The following CCDC149 variants were observed in gnomAD, a reference collection of about 807,000 sequenced individuals.
CCDC149 encodes the protein coiled-coil domain containing 149.
In CCDC149, 45 loss-of-function variants were observed where a neutral mutation model predicts 59.9. That is an observed-to-expected ratio of 0.75 (90% confidence interval 0.59 to 0.96). CCDC149 has a LOEUF of 0.96. Ranked by LOEUF, CCDC149 falls within the 40% of genes least tolerant of loss-of-function variation. The probability of loss-of-function intolerance (pLI) is 0.00; values close to 1 mark genes in which losing one functional copy is unlikely to be tolerated. For missense variants in CCDC149, 584 were observed against 664.7 expected (o/e 0.88, Z 1.33); for synonymous variants, 245 against 260.6 (o/e 0.94, Z 0.58).
At chr4:24,826,229 G>A (rs1251399112) in intron 9 of CCDC149, among the ~76,000 whole-genome samples, 1 of 152,126 alleles carries the variant, frequency 6.6e-6, no homozygotes, top group Non-Finnish European at 1.5e-5. Context: ...CAAAGTGCTA[G>A]GATTACAGGT....
chr4:24,908,712 G>T (rs879290853), intron 1 of CCDC149, among the ~76,000 whole-genome samples: 1 of 152,036 alleles, frequency 6.6e-6, no homozygotes, highest in East Asian at 1.9e-4. Flanking sequence ...AAACAACAAC[G>T]ACAAAAACCA....
intron 1 of CCDC149, among the ~76,000 whole-genome samples, chr4:24,881,330 G>A (rs1011592544): frequency 2.0e-5 from 3 of 152,132 alleles, no homozygotes; most frequent in Admixed American, 1.3e-4. Context: ...TGCTTTGCCC[G>A]ATAAAATGGG....
intron 9 of CCDC149, among the ~76,000 whole-genome samples, chr4:24,823,217 T>G (rs1414597375): frequency 6.6e-6 from 1 of 151,748 alleles, no homozygotes; most frequent in Non-Finnish European, 1.5e-5. Flanking sequence ...TTCAAAAGAG[T>G]TTTCAGTAAT....
In CCDC149 at chr4:24,808,524, C is replaced by T. The variant is rs1714365689; in HGVS notation, c.1488G>A (p.Leu496=). Reference sequence around the variant, plus strand: ...ATTTAGGGAGCTCCCCCTGGATGGCCAGGCCTGGCGGGGCTGGCCCCGTCT... The same window carrying T: ...ATTTAGGGAGCTCCCCCTGGATGGCTAGGCCTGGCGGGGCTGGCCCCGTCT... Residue 496 remains leucine, a synonymous_variant, in exon 13 of 13, where the codon CTG becomes CTA. Coordinates refer to ENST00000635206, the MANE Select transcript of CCDC149 (RefSeq NM_001330643.2). The T allele has an allele frequency of 6.5e-7, 1 of 1,538,626 alleles. No homozygotes were observed. Among genetic ancestry groups the T allele is most frequent in the Admixed American group, 2.0e-5 (1 of 49,016 alleles).
intron 1 of CCDC149, among the ~76,000 whole-genome samples, chr4:24,898,122 T>C (rs934631690): frequency 6.6e-6 from 1 of 152,176 alleles, no homozygotes; most frequent in South Asian, 2.1e-4. Context: ...AGTCAGCAGC[T>C]GACACATCAC....
At chr4:24,956,894 GA>G (rs1478202453) in intron 1 of CCDC149, among the ~76,000 whole-genome samples, 1 of 152,238 alleles carries the variant, frequency 6.6e-6, no homozygotes, top group African/African-American at 2.4e-5. Context: ...CTTTTAGCTT[GA>G]ATGGGGCCCA....
chr4:24,851,419 C>A lies in CCDC149; in HGVS notation c.372+1653G>T, dbSNP rs188698092. Reference sequence around the variant, plus strand: ...CTGGGACTACAAGCGCGTGCCACCACGCCTGGCTGCTCTCTCTTTGTTTCC... The same window carrying A: ...CTGGGACTACAAGCGCGTGCCACCAAGCCTGGCTGCTCTCTCTTTGTTTCC... On this transcript the variant is annotated intron_variant, in intron 4 of 12. Transcript: ENST00000635206. Among the ~76,000 whole-genome samples, 6 of 152,326 alleles carry A rather than the reference C, an allele frequency of 3.9e-5. No individual in the cohort carries two copies. The East Asian group carries it at 1.2e-3, about 29-fold the overall frequency.
intron 3 of CCDC149, among the ~76,000 whole-genome samples, chr4:24,869,987 AC>A (rs976470194): frequency 1.2e-4 from 18 of 152,290 alleles, no homozygotes; most frequent in African/African-American, 4.1e-4. Context: ...GGAAAGGAGG[AC>A]TTATTTTCCA....
chr4:24,905,412 TGC>T (rs56061899), intron 1 of CCDC149, among the ~76,000 whole-genome samples: 40,258 of 95,200 alleles, frequency 0.42, 6,197 homozygotes, highest in Middle Eastern at 0.54. Flanking sequence ...TTTGCGTGCG[TGC>T]GTGTGTGTGT....
At chr4:24,918,314 G>T (rs1416254329) in intron 1 of CCDC149, among the ~76,000 whole-genome samples, 1 of 152,158 alleles carries the variant, frequency 6.6e-6, no homozygotes, top group Admixed American at 6.5e-5. Context: ...GATCGAGAAG[G>T]TGAAAAGGTG....
intron 1 of CCDC149, among the ~76,000 whole-genome samples, chr4:24,961,759 G>A (rs1018499052): frequency 1.3e-5 from 2 of 152,186 alleles, no homozygotes; most frequent in Non-Finnish European, 2.9e-5. Context: ...CTAGCCATAT[G>A]TAGAAAGCTG....
At chr4:24,918,122 G>T (rs1455222176) in intron 1 of CCDC149, among the ~76,000 whole-genome samples, 1 of 152,114 alleles carries the variant, frequency 6.6e-6, no homozygotes, top group Non-Finnish European at 1.5e-5. Context: ...GTCTTAGGGT[G>T]GGGGACAATC....
intron 1 of CCDC149, among the ~76,000 whole-genome samples, chr4:24,958,659 C>T (rs1723542953): frequency 6.6e-6 from 1 of 152,034 alleles, no homozygotes; most frequent in African/African-American, 2.4e-5. Flanking sequence ...GCACTATATG[C>T]AATTCATGGA....
Position 24,961,894 on chromosome 4 carries a change from G to T in CCDC149, c.-65+18175C>A, listed in dbSNP as rs1397054371. Among the ~76,000 whole-genome samples, 5 of 151,952 alleles carry T rather than the reference G, an allele frequency of 3.3e-5. No homozygotes were observed. In the South Asian group the frequency reaches 6.3e-4, roughly 19 times the overall value. ...CTAGGCAATACCATTCAGGACATAG[G>T]CATGGGCAGGGACTTCATGTCTAAA... On this transcript the variant is annotated intron_variant, in intron 1 of 12. Coordinates refer to the CCDC149 transcript ENST00000389609.
intron 3 of CCDC149, among the ~76,000 whole-genome samples, chr4:24,863,944 C>A (rs1718530115): frequency 1.3e-5 from 2 of 152,184 alleles, no homozygotes; most frequent in African/African-American, 2.4e-5. Context: ...ACAAATATAT[C>A]TGCTTTTCAT....
intron 10 of CCDC149, 43 bp from the exon 11 acceptor site, chr4:24,821,130 A>C (rs1054030860): frequency 8.5e-7 from 1 of 1,171,508 alleles, no homozygotes; most frequent in Non-Finnish European, 1.1e-6. Flanking sequence ...TTGTTATTGC[A>C]TAATAGCCAT....
At position 24,837,257 on chromosome 4, in the gene CCDC149, A is replaced by T; in HGVS notation, c.633T>A (p.Ile211=). ...TCTCCATACACAGGGCGTCCACGTC[A>T]ATGATGCGGTTCTCGTGCCCACTCA... Residue 211 remains isoleucine, a synonymous_variant, in exon 6 of 13, where the codon ATT becomes ATA. Transcript: ENST00000635206. This position sits in a 1 kb window ranked among gnomAD's most constrained non-coding sequence, Gnocchi z 4.3. 2 of 1,614,198 alleles carry T rather than the reference A, an allele frequency of 1.2e-6. No individual in the cohort carries two copies. Among genetic ancestry groups the T allele is most frequent in the Non-Finnish European group, 1.7e-6 (2 of 1,180,022 alleles).
At position 24,954,494 on chromosome 4, in the gene CCDC149, T is replaced by G. The variant is rs1016381325; in HGVS notation, c.-65+25575A>C. ...TGGAGGTAGCCATAACTCCACAGCT[T>G]GTACACTCTGCATGCCTGCAGCATT... On this transcript the variant is annotated intron_variant, in intron 1 of 12. Transcript: ENST00000389609. Among the ~76,000 whole-genome samples, 16 of 152,238 alleles carry G rather than the reference T, an allele frequency of 1.1e-4. 1 individual carries two copies. Among genetic ancestry groups the G allele is most frequent in the African/African-American group, 3.9e-4 (16 of 41,466 alleles).
At chr4:24,860,245 A>G (rs1089076) in intron 3 of CCDC149, among the ~76,000 whole-genome samples, 132,420 of 152,178 alleles carry the variant, frequency 0.87, 57,640 homozygotes, top group South Asian at 0.92. Context: ...CAAAAACAGC[A>G]ACATAGATCA....
Sources: allele counts gnomAD v4.1 joint callset (sites outside exome capture counted in the v4.1 genomes callset), GRCh38; gene constraint gnomAD v4.1.1; non-coding constraint Gnocchi (gnomAD v3.1); transcripts MANE v1.5; gene names NCBI Gene and HGNC (gene_info 2026-07-23, HGNC 2026-07-21).